PLCL2: variants seen among roughly 807,000 people sequenced by gnomAD.
The protein encoded by PLCL2 is phospholipase C like 2.
PLCL2 carries 4 observed loss-of-function variants against 79.6 expected under a neutral mutation model. That is an observed-to-expected ratio of 0.05 (90% CI 0.02 to 0.11). PLCL2 has a LOEUF of 0.11. Among genes scored for constraint, PLCL2 ranks in the 10% least tolerant of loss-of-function variants. PLCL2 has a pLI of 1.00. For synonymous variants in PLCL2, 484 were observed against 457.7 expected (o/e 1.06, Z -0.73); for missense variants, 895 against 1,291.0 (o/e 0.69, Z 4.70).
intron 1 of PLCL2, among the ~76,000 whole-genome samples, chr3:16,955,342 G>A (rs1575550583): frequency 1.3e-5 from 2 of 152,128 alleles, no homozygotes; most frequent in Non-Finnish European, 2.9e-5. Context: ...GGTTGTAGAT[G>A]TGTGGTATTA....
rs187626276 is a variant in PLCL2 at position 16,951,152 on chromosome 3, A to T, written c.328-58522A>T. 4.6e-5 allele frequency among the ~76,000 whole-genome samples: 7 copies of T among 152,298 alleles called. No individual in the cohort carries two copies. The East Asian group carries it at 1.3e-3, about 29-fold the overall frequency. ...TTTTCCTGAGTAGTTTATGTAACAT[A>T]GAATTTACCTATTCTTTCAGAATAT... is the stretch of plus-strand genomic sequence containing the variant. On this transcript the variant is annotated intron_variant, in intron 1 of 5. Coordinates refer to ENST00000615277, the MANE Select transcript of PLCL2 (RefSeq NM_001144382.2).
At position 17,009,772 on chromosome 3, in the gene PLCL2, A is replaced by T; in HGVS notation, c.426A>T (p.Ser142=). The change falls in exon 2 of 6, where the codon TCA becomes TCT. Residue 142 remains serine (S), a synonymous_variant. Transcript: ENST00000615277. The surrounding 1 kb of genome is among the most constrained non-coding windows in gnomAD (Gnocchi z 4.0). ...GCAGTGCAAGTGATTGTATTAATTC[A>T]ATGGTTGAGGGTTCAGAACTCAAAA... ...KISSASDCIN[S]MVEGSELKKV... 6.2e-7 allele frequency: 1 copy of T among 1,613,934 alleles called. No individual in the cohort carries two copies. The highest frequency in any genetic ancestry group is 8.5e-7 in the Non-Finnish European group (1 of 1,179,828).
At chr3:16,893,533 A>G (rs1255537501) in intron 1 of PLCL2, among the ~76,000 whole-genome samples, 2 of 152,164 alleles carry the variant, frequency 1.3e-5, no homozygotes, top group Non-Finnish European at 2.9e-5. Flanking sequence ...TTAATCATGG[A>G]GATTCATGAG....
In PLCL2 at chr3:17,010,408, T is replaced by A. The variant is rs768256550; in HGVS notation, c.1062T>A (p.Asn354Lys). The change falls in exon 2 of 6, where the codon AAT (asparagine) becomes AAA (lysine). Residue 354 changes from asparagine (N) to lysine (K), a missense_variant. By Grantham distance (94) the Asn-to-Lys change is moderately conservative. This residue lies in a region of PLCL2 where 93 missense variants were observed against 93.2 expected (regional missense o/e 1.00). Transcript: ENST00000615277. This position sits in a 1 kb window ranked among gnomAD's most constrained non-coding sequence, Gnocchi z 5.8. ...IYFLLVQFSS[N>K]KEFLDTKDLM... ...TCCTTTTAGTTCAGTTTTCAAGCAA[T>A]AAAGAATTCCTTGATACCAAGGACC... 6.2e-7 allele frequency: 1 copy of A among 1,613,792 alleles called. No individual in the cohort carries two copies.
At chr3:16,962,770 G>GA (rs1321932305) in intron 1 of PLCL2, among the ~76,000 whole-genome samples, 4 of 152,044 alleles carry the variant, frequency 2.6e-5, no homozygotes, top group Non-Finnish European at 5.9e-5. Context: ...AAAAGATTTG[G>GA]AAAAAAATTC....
chr3:16,909,335 A>G (rs1696821471), intron 1 of PLCL2, among the ~76,000 whole-genome samples: 1 of 152,184 alleles, frequency 6.6e-6, no homozygotes, highest in South Asian at 2.1e-4. Flanking sequence ...AGCAGATTGC[A>G]TATCTTCTTG....
chr3:16,940,217 CTCT>C (rs1697646212), intron 1 of PLCL2, among the ~76,000 whole-genome samples: 1 of 152,292 alleles, frequency 6.6e-6, no homozygotes, highest in East Asian at 1.9e-4. Context: ...TCCTTCCTGC[CTCT>C]TCTTCAAAAA....
At chr3:17,048,284 A>G (rs1414879066) in intron 4 of PLCL2, among the ~76,000 whole-genome samples, 1 of 152,216 alleles carries the variant, frequency 6.6e-6, no homozygotes, top group Non-Finnish European at 1.5e-5. Context: ...CTTGGACAAC[A>G]CAAGTTTGAA....
At chr3:17,058,640 G>A (rs527526926) in intron 4 of PLCL2, among the ~76,000 whole-genome samples, 15 of 152,238 alleles carry the variant, frequency 9.9e-5, no homozygotes, top group African/African-American at 3.6e-4. Context: ...TTAAATTTGG[G>A]AGCTATCATT....
chr3:16,946,472 T>C (rs1194681459), intron 1 of PLCL2, among the ~76,000 whole-genome samples: 1 of 152,206 alleles, frequency 6.6e-6, no homozygotes, highest in South Asian at 2.1e-4. Context: ...ACAGTAATTT[T>C]CCCTTATGTT....
chr3:17,039,455 A>G (rs2124917414), intron 3 of PLCL2, among the ~76,000 whole-genome samples: 1 of 152,372 alleles, frequency 6.6e-6, no homozygotes, highest in South Asian at 2.1e-4. Context: ...GAATTTATGC[A>G]ATAGTGCAAA....
intron 1 of PLCL2, among the ~76,000 whole-genome samples, chr3:16,931,654 G>A (rs557773480): frequency 1.7e-4 from 26 of 152,180 alleles, no homozygotes; most frequent in African/African-American, 6.3e-4. Context: ...GTTCCAGTTC[G>A]GTTGCTGCCA....
chr3:16,944,313 A>T (rs1203248807), intron 1 of PLCL2, among the ~76,000 whole-genome samples: 2 of 152,160 alleles, frequency 1.3e-5, no homozygotes, highest in Non-Finnish European at 2.9e-5. Flanking sequence ...CCAGAAGCCT[A>T]CCCATTTTTC....
At chr3:16,985,312 T>C (rs973758675) in intron 1 of PLCL2, among the ~76,000 whole-genome samples, 5 of 152,142 alleles carry the variant, frequency 3.3e-5, no homozygotes, top group African/African-American at 1.2e-4. Context: ...CACTACATGC[T>C]TTTCTAGTAC....
In PLCL2 at chr3:17,085,303, T is replaced by G. The variant is rs893217983; in HGVS notation, c.3205-4430T>G. Among the ~76,000 whole-genome samples the G allele has an allele frequency of 2.0e-5, 3 of 152,096 alleles. No homozygotes were observed. The East Asian group carries it at 5.8e-4, about 29-fold the overall frequency. On this transcript the variant is annotated intron_variant, in intron 5 of 5. Transcript: ENST00000615277. Reference sequence around the variant, plus strand: ...GGTGCACACCAACATACCCAGCTAATTTTTGTATTTTTATATAGAGATGGG... The same window carrying G: ...GGTGCACACCAACATACCCAGCTAAGTTTTGTATTTTTATATAGAGATGGG...
intron 1 of PLCL2, among the ~76,000 whole-genome samples, chr3:16,926,584 A>T (rs1245302594): frequency 6.6e-6 from 1 of 152,182 alleles, no homozygotes. Context: ...AGCCTATTTT[A>T]ATATAGTGAT....
intron 3 of PLCL2, among the ~76,000 whole-genome samples, chr3:17,017,565 T>C (rs909886131): frequency 6.6e-6 from 1 of 152,220 alleles, no homozygotes; most frequent in African/African-American, 2.4e-5. Flanking sequence ...GCTCTTTATT[T>C]TTGTAATGTT....
chr3:16,896,004 C>T lies in PLCL2; in HGVS notation c.327+10638C>T, dbSNP rs546470373. 1.2e-3 allele frequency among the ~76,000 whole-genome samples: 185 copies of T among 152,280 alleles called. 1 individual carries two copies. Among genetic ancestry groups the T allele is most frequent in the South Asian group, 0.012 (56 of 4,820 alleles). ...GGGTGCCAGTGATGTTTGGTTTCTG[C>T]ATCTGGTTGGTGATTCCAAATGTGG... On this transcript the variant is annotated intron_variant, in intron 1 of 5. Coordinates refer to ENST00000615277, the MANE Select transcript of PLCL2 (RefSeq NM_001144382.2).
intron 3 of PLCL2, among the ~76,000 whole-genome samples, chr3:17,021,628 A>ACC (rs1255944118): frequency 4.2e-5 from 6 of 142,536 alleles, no homozygotes; most frequent in African/African-American, 1.8e-4. Flanking sequence ...ACACACACAC[A>ACC]CACCCCAGAT....
Sources: allele counts gnomAD v4.1 joint callset (sites outside exome capture counted in the v4.1 genomes callset), GRCh38; gene constraint gnomAD v4.1.1; regional missense constraint gnomAD v4.1.1; non-coding constraint Gnocchi (gnomAD v3.1); transcripts MANE v1.5; gene names NCBI Gene and HGNC (gene_info 2026-07-23, HGNC 2026-07-21).